The following CFAP77 variants were observed in gnomAD, a reference collection of about 807,000 sequenced individuals.
CFAP77 encodes the protein cilia and flagella associated protein 77, also known as cilia- and flagella-associated protein 77.
Under a neutral mutation model 31.1 loss-of-function variants are expected in CFAP77, and 25 were observed. The ratio of observed to expected loss-of-function variants is 0.80; its 90% CI spans 0.59 to 1.12. CFAP77 has a LOEUF of 1.12. Among genes scored for constraint, CFAP77 ranks in the 50% most tolerant of loss-of-function variants. The pLI is 0.00. For missense variants in CFAP77, 377 were observed against 397.3 expected, an observed-to-expected ratio of 0.95 and a Z score of 0.44; for synonymous variants, 151 against 159.9, an observed-to-expected ratio of 0.94 and a Z score of 0.42.
intron 5 of CFAP77, among the ~76,000 whole-genome samples, chr9:132,569,655 A>C (rs1829929329): frequency 6.7e-6 from 1 of 150,286 alleles, no homozygotes; most frequent in African/African-American, 2.5e-5. Flanking sequence ...AGCCGGCTGG[A>C]CACCAGGGTG....
At chr9:132,519,848 G>A (rs528574620) in intron 3 of CFAP77, among the ~76,000 whole-genome samples, 3,370 of 122,792 alleles carry the variant, frequency 0.027, 63 homozygotes, top group Middle Eastern at 0.053. Context: ...GGATGGATGG[G>A]TGGGTGGGTG....
intron 1 of CFAP77, among the ~76,000 whole-genome samples, chr9:132,437,248 A>G (rs1850518145): frequency 6.6e-6 from 1 of 152,192 alleles, no homozygotes; most frequent in Non-Finnish European, 1.5e-5. Flanking sequence ...GAGTGTGTTT[A>G]TAACCTTACT....
chr9:132,488,089 A>G (rs1444046757), intron 1 of CFAP77, among the ~76,000 whole-genome samples: 1 of 152,166 alleles, frequency 6.6e-6, no homozygotes, highest in Non-Finnish European at 1.5e-5. Context: ...AATGCAGGAG[A>G]GTGAGTGGAG....
intron 5 of CFAP77, among the ~76,000 whole-genome samples, chr9:132,570,114 A>C (rs1829938580): frequency 6.6e-6 from 1 of 152,192 alleles, no homozygotes; most frequent in Admixed American, 6.5e-5. Flanking sequence ...CCAGAAGGTC[A>C]CAAAGGTGTC....
At chr9:132,411,568 G>C (rs548997144) in intron 1 of CFAP77, among the ~76,000 whole-genome samples, 1 of 152,098 alleles carries the variant, frequency 6.6e-6, no homozygotes, top group South Asian at 2.1e-4. Flanking sequence ...CCTTTCCATC[G>C]AATAGGCTCC....
At chr9:132,484,986 C>G (rs1415045682) in intron 1 of CFAP77, among the ~76,000 whole-genome samples, 1 of 151,998 alleles carries the variant, frequency 6.6e-6, no homozygotes, top group Non-Finnish European at 1.5e-5. Context: ...GTAGCTGGGA[C>G]TACAGGCATG....
chr9:132,439,405 AC>A (rs1461458467), intron 1 of CFAP77, among the ~76,000 whole-genome samples: 1 of 151,608 alleles, frequency 6.6e-6, no homozygotes, highest in Non-Finnish European at 1.5e-5. Flanking sequence ...GATTAAGCCA[AC>A]CCAGGCAGCT....
chr9:132,448,973 C>T (rs1850774265), intron 1 of CFAP77, among the ~76,000 whole-genome samples: 1 of 152,148 alleles, frequency 6.6e-6, no homozygotes, highest in Non-Finnish European at 1.5e-5. Flanking sequence ...GGGAGATAGG[C>T]ACCTATGACG....
rs1852714018 is a variant in CFAP77 at position 132,545,311 on chromosome 9, C to T, written c.732+2264C>T. Reference sequence around the variant, plus strand: ...TCAGCCTCAGAACAAGAGTCCTGACCAGGTGGTGCAGATGAAAGGCAGAGG... The same window carrying T: ...TCAGCCTCAGAACAAGAGTCCTGACTAGGTGGTGCAGATGAAAGGCAGAGG... On this transcript the variant is annotated intron_variant, in intron 5 of 5. Coordinates refer to ENST00000393216, the MANE Select transcript of CFAP77 (RefSeq NM_001282957.2). This position sits in a 1 kb window ranked among gnomAD's most constrained non-coding sequence, Gnocchi z 4.6. 1.3e-5 allele frequency among the ~76,000 whole-genome samples: 2 copies of T among 152,146 alleles called. No individual in the cohort carries two copies. The highest frequency in any genetic ancestry group is 6.5e-5 in the Admixed American group (1 of 15,278).
Position 132,543,003 on chromosome 9 carries a change from C to A in CFAP77, c.688C>A (p.Pro230Thr). 1 of 1,614,154 alleles carries A rather than the reference C, an allele frequency of 6.2e-7. No homozygotes were observed. The highest frequency in any genetic ancestry group is 8.5e-7 in the Non-Finnish European group (1 of 1,180,026). Residue 230 changes from proline to threonine, a missense_variant, in exon 5 of 6, where the codon CCC becomes ACC. Pro to Thr is a conservative substitution (Grantham distance 38). Transcript: ENST00000393216. ...RSSQLRKYKP[P>T]VKLDTLWHMP... ...CAGTCAGCTGAGGAAGTACAAGCCG[C>A]CCGTGAAGCTGGACACCCTCTGGCA...
At chr9:132,422,885 C>T (rs1182274448) in intron 1 of CFAP77, among the ~76,000 whole-genome samples, 1 of 152,204 alleles carries the variant, frequency 6.6e-6, no homozygotes, top group Non-Finnish European at 1.5e-5. Flanking sequence ...GCATCCTGGT[C>T]CCCAACCAGG....
intron 1 of CFAP77, among the ~76,000 whole-genome samples, chr9:132,423,736 C>T (rs1486467214): frequency 6.6e-6 from 1 of 152,228 alleles, no homozygotes; most frequent in Non-Finnish European, 1.5e-5. Flanking sequence ...ACTCTGCAAG[C>T]TCCGTGTCTT....
chr9:132,420,076 T>A (rs7021732), intron 1 of CFAP77, among the ~76,000 whole-genome samples: 7 of 151,378 alleles, frequency 4.6e-5, no homozygotes, highest in East Asian at 2.0e-4. Context: ...CAGAAGGATC[T>A]CCTGAGGCCA....
chr9:132,571,883 ATT>A (rs35207512), intron 5 of CFAP77, among the ~76,000 whole-genome samples: 40,906 of 141,638 alleles, frequency 0.29, 5,727 homozygotes, highest in East Asian at 0.47. Flanking sequence ...TCTCCCTTGC[ATT>A]TTTTTTTTTT....
At chr9:132,459,615 GTATGTA>G (rs1491049297) in intron 1 of CFAP77, among the ~76,000 whole-genome samples, 1 of 151,026 alleles carries the variant, frequency 6.6e-6, no homozygotes, top group African/African-American at 2.4e-5. Context: ...ATATGTGTGT[GTATGTA>G]TATGTGTGTA....
intron 3 of CFAP77, chr9:132,513,537 A>C: frequency 1.6e-6 from 1 of 613,728 alleles, no homozygotes; most frequent in Non-Finnish European, 2.7e-6. Context: ...CGATCCATAA[A>C]TCATAGGGAC....
In CFAP77 at chr9:132,410,365, C is replaced by T. The variant is rs1313424130; in HGVS notation, c.94C>T (p.Pro32Ser). ...RRTVSQVCPPPRRPLTVADIR... is the reference protein window; with the variant it reads ...RRTVSQVCPPSRRPLTVADIR... Reference sequence around the variant, plus strand: ...CACGGTCAGCCAGGTCTGCCCGCCCCCGCGGCGGCCCCTGACCGTGGCGGA... The same window carrying T: ...CACGGTCAGCCAGGTCTGCCCGCCCTCGCGGCGGCCCCTGACCGTGGCGGA... The change falls in exon 1 of 6, where the codon CCG becomes TCG. Residue 32 changes from proline to serine, a missense_variant. Pro to Ser is a moderately conservative substitution (Grantham distance 74, BLOSUM62 -1). Transcript: ENST00000393216. 10 of 1,599,022 alleles carry T rather than the reference C, an allele frequency of 6.3e-6. No individual in the cohort carries two copies. The highest frequency in any genetic ancestry group is 6.8e-6 in the Non-Finnish European group (8 of 1,174,196).
At chr9:132,482,195 T>C (rs935960390) in intron 1 of CFAP77, 3 of 637,948 alleles carry the variant, frequency 4.7e-6, no homozygotes, top group African/African-American at 3.7e-5. Context: ...TTCTTTTTTT[T>C]TTTCTTTTCA....
chr9:132,460,923 A>G (rs1488036503), intron 1 of CFAP77, among the ~76,000 whole-genome samples: 1 of 151,928 alleles, frequency 6.6e-6, no homozygotes, highest in Non-Finnish European at 1.5e-5. Context: ...ACGGGGTTTC[A>G]CCATGTTGGC....
Sources: allele counts gnomAD v4.1 joint callset (sites outside exome capture counted in the v4.1 genomes callset), GRCh38; gene constraint gnomAD v4.1.1; non-coding constraint Gnocchi (gnomAD v3.1); transcripts MANE v1.5; gene names NCBI Gene and HGNC (gene_info 2026-07-23, HGNC 2026-07-21).